The following CEP112 variants were observed in gnomAD, a reference collection of about 807,000 sequenced individuals.
CEP112 encodes the protein centrosomal protein 112, also known as centrosomal protein of 112 kDa.
A neutral mutation model predicts 153.0 loss-of-function variants in CEP112; 127 were observed. The ratio of observed to expected loss-of-function variants is 0.83; its 90% confidence interval spans 0.72 to 0.96. The LOEUF (loss-of-function observed/expected upper bound fraction) is 0.96. Ranked by LOEUF, CEP112 falls within the 40% of genes least tolerant of loss-of-function variation. CEP112 has a pLI of 0.00. For synonymous variants in CEP112, 358 were observed against 374.4 expected (o/e 0.96, Z 0.51); for missense variants, 1,089 against 1,101.2 (o/e 0.99, Z 0.16).
chr17:66,052,296 T>C (rs2873910), intron 12 of CEP112, among the ~76,000 whole-genome samples: 62,503 of 152,018 alleles, frequency 0.41, 14,315 homozygotes, highest in East Asian at 0.87. Flanking sequence ...AGTCAAAAAA[T>C]TGTAAGTCAA....
chr17:65,829,248 G>A (rs1053493577), intron 21 of CEP112, among the ~76,000 whole-genome samples: 1 of 152,014 alleles, frequency 6.6e-6, no homozygotes, highest in Non-Finnish European at 1.5e-5. Flanking sequence ...GTCTCATAAT[G>A]TATTCAATTT....
chr17:65,962,224 C>G (rs2062230822), intron 17 of CEP112, among the ~76,000 whole-genome samples: 2 of 151,800 alleles, frequency 1.3e-5, no homozygotes, highest in African/African-American at 4.8e-5. Flanking sequence ...ATCCACCAAA[C>G]TATACACTTC....
At chr17:65,659,591 C>T (rs2046243780) in intron 24 of CEP112, among the ~76,000 whole-genome samples, 1 of 152,220 alleles carries the variant, frequency 6.6e-6, no homozygotes, top group Non-Finnish European at 1.5e-5. Context: ...ACCCCACAAC[C>T]TCACAGCAGA....
chr17:66,091,445 A>T (rs145104225), intron 8 of CEP112, among the ~76,000 whole-genome samples: 1 of 152,186 alleles, frequency 6.6e-6, no homozygotes, highest in Non-Finnish European at 1.5e-5. Flanking sequence ...AACAGCTACT[A>T]TGTCAAAGAA....
chr17:66,045,408 G>C (rs2066163711), intron 12 of CEP112, among the ~76,000 whole-genome samples: 1 of 152,118 alleles, frequency 6.6e-6, no homozygotes, highest in Non-Finnish European at 1.5e-5. Flanking sequence ...GTCTTGGCAA[G>C]GATGTGAAGA....
chr17:65,781,167 A>G (rs2053974698), intron 21 of CEP112, among the ~76,000 whole-genome samples: 1 of 152,070 alleles, frequency 6.6e-6, no homozygotes, highest in African/African-American at 2.4e-5. Context: ...AATGACCTAG[A>G]CTCAAGGATA....
intron 22 of CEP112, among the ~76,000 whole-genome samples, chr17:65,747,650 T>C (rs2051555894): frequency 6.6e-6 from 1 of 152,048 alleles, no homozygotes; most frequent in Non-Finnish European, 1.5e-5. Flanking sequence ...CATTCTTTTC[T>C]TAAGATAAAA....
At chr17:65,825,612 T>C (rs2056801134) in intron 21 of CEP112, among the ~76,000 whole-genome samples, 1 of 152,174 alleles carries the variant, frequency 6.6e-6, no homozygotes, top group Non-Finnish European at 1.5e-5. Flanking sequence ...TCGAGACGGA[T>C]CGTGGTGATG....
chr17:65,685,899 C>T (rs1014874082), intron 24 of CEP112, among the ~76,000 whole-genome samples: 1 of 152,130 alleles, frequency 6.6e-6, no homozygotes, highest in African/African-American at 2.4e-5. Context: ...TCTCAAACTC[C>T]TAACCTCAGG....
chr17:65,909,143 G>A (rs1338786103), intron 19 of CEP112, among the ~76,000 whole-genome samples: 1 of 152,170 alleles, frequency 6.6e-6, no homozygotes, highest in Non-Finnish European at 1.5e-5. Context: ...TTAATGTCAG[G>A]AATGCCAGTG....
chr17:66,149,835 T>C (rs181455339), intron 4 of CEP112, among the ~76,000 whole-genome samples: 30 of 150,466 alleles, frequency 2.0e-4, no homozygotes, highest in Admixed American at 1.5e-3. Flanking sequence ...TTTAGTTTGT[T>C]CTTTTTCTAG....
intron 23 of CEP112, among the ~76,000 whole-genome samples, chr17:65,721,284 A>T (rs2049873005): frequency 2.6e-5 from 4 of 152,308 alleles, no homozygotes; most frequent in Admixed American, 2.6e-4. Flanking sequence ...TGCTGGGATT[A>T]CAGGCATGAG....
At chr17:66,013,798 C>T (rs993916779) in intron 16 of CEP112, among the ~76,000 whole-genome samples, 20 of 152,264 alleles carry the variant, frequency 1.3e-4, no homozygotes, top group Admixed American at 2.0e-4. Flanking sequence ...CCTCTGTATG[C>T]GCATTCACAG....
chr17:66,080,607 T>C (rs1249775391), intron 8 of CEP112, among the ~76,000 whole-genome samples: 1 of 152,196 alleles, frequency 6.6e-6, no homozygotes, highest in Non-Finnish European at 1.5e-5. Flanking sequence ...AGTGTGGAGA[T>C]TCCTCAAGGA....
intron 21 of CEP112, among the ~76,000 whole-genome samples, chr17:65,840,047 T>C (rs756860813): frequency 6.6e-6 from 1 of 152,094 alleles, no homozygotes; most frequent in Non-Finnish European, 1.5e-5. Flanking sequence ...TCCATGCTCA[T>C]GGATTGGAAG....
At chr17:66,059,697 G>A (rs1166630197) in intron 11 of CEP112, among the ~76,000 whole-genome samples, 1 of 152,210 alleles carries the variant, frequency 6.6e-6, no homozygotes, top group Admixed American at 6.5e-5. Flanking sequence ...TATACTGTTA[G>A]TGGGAACGTA....
intron 23 of CEP112, among the ~76,000 whole-genome samples, chr17:65,711,062 C>A (rs2049160005): frequency 6.6e-6 from 1 of 152,218 alleles, no homozygotes; most frequent in Non-Finnish European, 1.5e-5. Context: ...TGGAGCTTCA[C>A]TTTCTCTCTA....
At chr17:66,126,491 CACAA>C (rs1402632281) in intron 6 of CEP112, among the ~76,000 whole-genome samples, 2 of 151,916 alleles carry the variant, frequency 1.3e-5, no homozygotes, top group Admixed American at 1.3e-4. Flanking sequence ...ATACCCACAG[CACAA>C]ACATTCAGCT....
chr17:65,954,232 G>A (rs1053992489), intron 18 of CEP112, among the ~76,000 whole-genome samples: 7 of 152,128 alleles, frequency 4.6e-5, no homozygotes, highest in African/African-American at 1.7e-4. Context: ...CCACTGGGTG[G>A]CTAGACCCAG....
Sources: allele counts gnomAD v4.1 joint callset (sites outside exome capture counted in the v4.1 genomes callset), GRCh38; gene constraint gnomAD v4.1.1; transcripts MANE v1.5; gene names NCBI Gene and HGNC (gene_info 2026-07-23, HGNC 2026-07-21).